HMCN2: variants seen among roughly 807,000 people sequenced by gnomAD.
HMCN2 encodes hemicentin-2.
Under a neutral mutation model 377.5 loss-of-function variants are expected in HMCN2, and 325 were observed. That is an observed-to-expected ratio of 0.86 (90% CI 0.79 to 0.94). The LOEUF is 0.94. Among genes scored for constraint, HMCN2 ranks in the 40% least tolerant of loss-of-function variants. The probability of loss-of-function intolerance (pLI) is 0.00; values close to 1 mark genes in which losing one functional copy is unlikely to be tolerated. For synonymous variants in HMCN2, 2,007 were observed against 2,046.8 expected (o/e 0.98, Z 0.53); for missense variants, 4,543 against 4,725.3 (o/e 0.96, Z 1.13).
At position 130,377,692 on chromosome 9, in the gene HMCN2, G is replaced by A. The variant is rs1321053562; in HGVS notation, c.8105G>A (p.Arg2702Gln). ...CGGCTGCAGGTCCTGGGTGAAGGGC[G>A]ACTGCTCCAGATCCAGCCCACACAG... is the stretch of plus-strand genomic sequence containing the variant. ...SSRLQVLGEG[R>Q]LLQIQPTQVS... The change falls in exon 53 of 98, where the codon CGA becomes CAA. Residue 2702 changes from arginine (R) to glutamine (Q), a missense_variant. Transcript: ENST00000683500. The A allele has an allele frequency of 3.0e-6, 3 of 985,812 alleles. No homozygotes were observed. Among genetic ancestry groups the A allele is most frequent in the African/African-American group, 1.7e-5 (1 of 57,248 alleles). 61.1% of individuals were successfully genotyped at this position (985,812 alleles called of 1,614,324 possible).
rs547758465 is a variant in HMCN2 at position 130,267,206 on chromosome 9, A to G, written c.259+1069A>G. 6.6e-5 allele frequency among the ~76,000 whole-genome samples: 10 copies of G among 151,606 alleles called. No homozygotes were observed. The East Asian group carries it at 1.9e-3, about 29-fold the overall frequency. On this transcript the variant is annotated intron_variant, in intron 1 of 97. Transcript: ENST00000683500. ...GTGATCCTCCCACTTAGGCCTCCCA[A>G]AGTGCTGAAATTACAAGCATGAGCC...
In HMCN2 at chr9:130,295,852, G is replaced by T. The variant is rs967742262; in HGVS notation, c.891+80G>T. ...ATCTTCCTCCTACTTGCCCTGGGGA[G>T]CCTGTGGCCTCGGGAAGCTGATGGC... On this transcript the variant is annotated intron_variant, in intron 6 of 97. Transcript: ENST00000683500. 2.5e-5 allele frequency: 11 copies of T among 435,260 alleles called. No homozygotes were observed. In the Admixed American group the frequency reaches 2.6e-4, roughly 10 times the overall value. 27.0% of individuals were successfully genotyped at this position (435,260 alleles called of 1,614,324 possible).
chr9:130,296,807 G>A lies in HMCN2; in HGVS notation c.1012+13G>A, dbSNP rs1554932357. 3 of 470,944 alleles carry A rather than the reference G, an allele frequency of 6.4e-6. No individual in the cohort carries two copies. Among genetic ancestry groups the A allele is most frequent in the South Asian group, 1.5e-5 (1 of 64,538 alleles). The allele number at this position is 470,944 out of a possible 1,614,324, so 29.2% of individuals were successfully genotyped here. On this transcript the variant is annotated intron_variant, in intron 7 of 97. Transcript: ENST00000683500. ...TGGCCCTTGCAAGGTACAGTACCCC[G>A]ACCCTACAGACAGTGCTGAGCTGCC...
At chr9:130,292,463 C>A (rs1564753352) in intron 4 of HMCN2, among the ~76,000 whole-genome samples, 1 of 152,206 alleles carries the variant, frequency 6.6e-6, no homozygotes, top group African/African-American at 2.4e-5. Flanking sequence ...TTTTATGCAT[C>A]AAAAGTGACG....
chr9:130,355,266 CTG>C (rs1839965825), intron 32 of HMCN2, among the ~76,000 whole-genome samples: 1 of 152,184 alleles, frequency 6.6e-6, no homozygotes, highest in Non-Finnish European at 1.5e-5. Flanking sequence ...GGGTCCCTGA[CTG>C]TGCCCAGGAC....
chr9:130,326,507 C>T (rs986952470), intron 21 of HMCN2, among the ~76,000 whole-genome samples: 2 of 152,042 alleles, frequency 1.3e-5, no homozygotes, highest in Non-Finnish European at 1.5e-5. Context: ...TCAGTAAATA[C>T]GTCTGGGAGG....
chr9:130,339,247 C>T lies in HMCN2; in HGVS notation c.3487+1226C>T, dbSNP rs997901142. ...TACAAGTTTTATTGGAACACGCCCA[C>T]GCATGTTTATCTATGTGCTGCCTGT... is the stretch of plus-strand genomic sequence containing the variant. On this transcript the variant is annotated intron_variant, in intron 23 of 97. Transcript: ENST00000683500. Among the ~76,000 whole-genome samples, 7 of 152,342 alleles carry T rather than the reference C, an allele frequency of 4.6e-5. No individual in the cohort carries two copies. The East Asian group carries it at 5.8e-4, about 13-fold the overall frequency.
intron 94 of HMCN2, 87 bp from the exon 95 acceptor site, chr9:130,430,197 A>C (rs920921671): frequency 3.6e-5 from 41 of 1,125,444 alleles, no homozygotes; most frequent in Non-Finnish European, 5.0e-5. Context: ...GAATGCCAAC[A>C]AGAGAGAAGG....
chr9:130,320,979 A>G (rs1360549465), intron 18 of HMCN2, 76 bp downstream of exon 18: 7 of 152,168 alleles, frequency 4.6e-5, no homozygotes, highest in Admixed American at 3.3e-4. Flanking sequence ...CCACGTCTCT[A>G]TCTCTGCTTG....
chr9:130,342,060 T>TAAATAAAA (rs1352074923), intron 24 of HMCN2, among the ~76,000 whole-genome samples: 12 of 150,098 alleles, frequency 8.0e-5, no homozygotes, highest in Non-Finnish European at 1.3e-4. Context: ...AATAAATAAA[T>TAAATAAAA]AAAAGCTTGG....
chr9:130,405,049 A>C lies in HMCN2; in HGVS notation c.12329A>C (p.Lys4110Thr). 1 of 1,285,532 alleles carries C rather than the reference A, an allele frequency of 7.8e-7. No homozygotes were observed. The highest frequency in any genetic ancestry group is 1.0e-6 in the Non-Finnish European group (1 of 987,100). The allele number at this position is 1,285,532 out of a possible 1,614,324, so 79.6% of individuals were successfully genotyped here. ...TIQPSGELLV[K>T]NLEGQDAGTY... is the part of the protein sequence containing the mutation. ...CAGCCTTCTGGGGAGTTGCTGGTGA[A>C]GAACTTGGAGGTGAGGCACTGCCCC... The change falls in exon 81 of 98, where the codon AAG becomes ACG. Residue 4110 changes from lysine (K) to threonine (T), a missense_variant. Physicochemically the swap from Lys to Thr is moderately conservative, Grantham distance 78. This residue lies in a region of HMCN2 where 1,073 missense variants were observed against 1,319.5 expected (regional missense o/e 0.81). Coordinates refer to ENST00000683500, the MANE Select transcript of HMCN2 (RefSeq NM_001291815.2).
At chr9:130,278,535 T>G (rs370355324) in intron 1 of HMCN2, among the ~76,000 whole-genome samples, 2 of 152,294 alleles carry the variant, frequency 1.3e-5, no homozygotes, top group African/African-American at 4.8e-5. Context: ...CTTCCAAAAT[T>G]CATGTCCTTC....
intron 25 of HMCN2, among the ~76,000 whole-genome samples, chr9:130,345,861 G>A (rs906029299): frequency 4.6e-5 from 7 of 152,018 alleles, no homozygotes; most frequent in East Asian, 1.9e-4. Context: ...TACGGTGGGC[G>A]GTCAGGGTAG....
rs1053647275 is a variant in HMCN2, at chr9:130,428,502, C to T, written c.14197+13C>T. The T allele has an allele frequency of 1.8e-5, 28 of 1,537,752 alleles. No individual in the cohort carries two copies. Among genetic ancestry groups the T allele is most frequent in the Non-Finnish European group, 2.4e-5 (28 of 1,146,804 alleles). ...GCCGGCTGTGAAGGTGATGGGGGCACAGCATGCGGCCTGTCCATACTCCTG... is the reference window on the plus strand; with the variant it reads ...GCCGGCTGTGAAGGTGATGGGGGCATAGCATGCGGCCTGTCCATACTCCTG... On this transcript the variant is annotated intron_variant, in intron 93 of 97. Transcript: ENST00000683500. This position sits in a 1 kb window ranked among gnomAD's most constrained non-coding sequence, Gnocchi z 5.0.
intron 34 of HMCN2, among the ~76,000 whole-genome samples, chr9:130,357,063 T>TGGAG (rs1840062424): frequency 1.1e-5 from 1 of 90,696 alleles, no homozygotes; most frequent in Non-Finnish European, 2.1e-5. Context: ...GAAGGGAGGA[T>TGGAG]GGATGGATGG....
chr9:130,313,485 C>G (rs1172373175), intron 15 of HMCN2, among the ~76,000 whole-genome samples: 1 of 152,230 alleles, frequency 6.6e-6, no homozygotes, highest in Non-Finnish European at 1.5e-5. Context: ...GCCTCACTTT[C>G]CTCGTCTGTG....
chr9:130,427,121 T>C (rs12000087), intron 90 of HMCN2, among the ~76,000 whole-genome samples, 192 bp from the exon 91 acceptor site: 5,718 of 152,282 alleles, frequency 0.038, 338 homozygotes, highest in African/African-American at 0.13. Context: ...CACATTTCCT[T>C]GACTGGGCGT....
intron 25 of HMCN2, among the ~76,000 whole-genome samples, chr9:130,344,316 T>C (rs1220450950): frequency 1.3e-5 from 2 of 151,742 alleles, no homozygotes; most frequent in Admixed American, 6.6e-5. Context: ...GGGATGTGTG[T>C]GCATGTATGT....
chr9:130,288,669 GT>G (rs1266597575), intron 4 of HMCN2, among the ~76,000 whole-genome samples: 1 of 152,192 alleles, frequency 6.6e-6, no homozygotes, highest in Non-Finnish European at 1.5e-5. Flanking sequence ...TCTTCCCCTT[GT>G]TTGCTGAGCT....
Sources: gnomAD v4.1 joint callset for allele counts (sites outside exome capture counted in the v4.1 genomes callset) on GRCh38, gnomAD v4.1.1 for gene constraint, gnomAD v4.1.1 regional missense constraint, Gnocchi (gnomAD v3.1) non-coding constraint, MANE v1.5 for transcripts, NCBI Gene and HGNC (gene_info 2026-07-23, HGNC 2026-07-21) for gene names.